The following STPG2 variants were observed in gnomAD, a reference collection of about 807,000 sequenced individuals.
The protein encoded by STPG2 is sperm tail PG-rich repeat containing 2, also known as sperm-tail PG-rich repeat-containing protein 2.
Under a neutral mutation model 54.2 loss-of-function variants are expected in STPG2, and 56 were observed. The ratio of observed to expected loss-of-function variants is 1.03; its 90% CI spans 0.83 to 1.29. The LOEUF is 1.29. STPG2 is among the 50% of genes most tolerant of loss of function. STPG2 has a pLI of 0.00. For missense variants in STPG2, 596 were observed against 544.9 expected (o/e 1.09, Z -0.93); for synonymous variants, 200 against 181.8 (o/e 1.10, Z -0.81).
At chr4:97,992,274 T>C (rs1735046401) in intron 5 of STPG2, among the ~76,000 whole-genome samples, 1 of 152,008 alleles carries the variant, frequency 6.6e-6, no homozygotes, top group Non-Finnish European at 1.5e-5. Context: ...CAGATTTTTG[T>C]ATACAATGAG....
chr4:97,803,117 T>A (rs1727448496), intron 9 of STPG2, among the ~76,000 whole-genome samples: 1 of 152,182 alleles, frequency 6.6e-6, no homozygotes, highest in South Asian at 2.1e-4. Flanking sequence ...CCAGGCCTAC[T>A]CAATACTAAG....
chr4:97,949,877 GT>G (rs796287036), intron 7 of STPG2, among the ~76,000 whole-genome samples: 1 of 151,520 alleles, frequency 6.6e-6, no homozygotes, highest in African/African-American at 2.4e-5. Context: ...TTTGTTTTTT[GT>G]TTTTTGTTTT....
At chr4:98,088,380 T>C (rs1202772860) in intron 5 of STPG2, among the ~76,000 whole-genome samples, 2 of 152,168 alleles carry the variant, frequency 1.3e-5, no homozygotes, top group South Asian at 2.1e-4. Context: ...GGAGACACTA[T>C]GTATTTTTTC....
intron 5 of STPG2, among the ~76,000 whole-genome samples, chr4:98,079,168 T>C (rs1738262354): frequency 6.6e-6 from 1 of 152,228 alleles, no homozygotes; most frequent in African/African-American, 2.4e-5. Context: ...TTGCATAAAC[T>C]GTTTACAAAT....
chr4:97,539,607 C>A (rs1356077047), intron 4 of STPG2, among the ~76,000 whole-genome samples: 2 of 152,124 alleles, frequency 1.3e-5, no homozygotes, highest in Admixed American at 1.3e-4. Context: ...GACGTTAACA[C>A]CCCACTGTCA....
chr4:98,052,813 T>A (rs1342390702), intron 5 of STPG2, among the ~76,000 whole-genome samples: 4 of 152,170 alleles, frequency 2.6e-5, no homozygotes, highest in Non-Finnish European at 5.9e-5. Context: ...CTGTATAGTA[T>A]GTCTATATAC....
chr4:97,811,535 C>T (rs1284392369), intron 9 of STPG2, among the ~76,000 whole-genome samples: 1 of 122,844 alleles, frequency 8.1e-6, no homozygotes, highest in African/African-American at 3.1e-5. Flanking sequence ...TAAGTTGTAG[C>T]AGCAGTAAAA....
At chr4:97,897,204 C>T (rs186397561) in intron 8 of STPG2, among the ~76,000 whole-genome samples, 14 of 152,168 alleles carry the variant, frequency 9.2e-5, no homozygotes, top group Non-Finnish European at 1.5e-4. Flanking sequence ...TAATGGCCTC[C>T]AGCTCCATCC....
chr4:97,540,524 A>T (rs961500684), intron 4 of STPG2, among the ~76,000 whole-genome samples: 1 of 152,212 alleles, frequency 6.6e-6, no homozygotes, highest in Non-Finnish European at 1.5e-5. Context: ...AGACGGATTC[A>T]CAGCCGAATT....
chr4:97,843,769 C>T (rs1728867974), intron 8 of STPG2, among the ~76,000 whole-genome samples: 1 of 151,822 alleles, frequency 6.6e-6, no homozygotes, highest in South Asian at 2.1e-4. Context: ...TTTGGCAAAA[C>T]CATTTCACAT....
chr4:97,958,094 G>A (rs972607469), intron 7 of STPG2, among the ~76,000 whole-genome samples: 2 of 152,096 alleles, frequency 1.3e-5, no homozygotes, highest in Non-Finnish European at 2.9e-5. Flanking sequence ...CAGATCACTT[G>A]AGGTCAGGAG....
chr4:98,095,993 A>C (rs1738845720), intron 5 of STPG2, among the ~76,000 whole-genome samples: 1 of 152,222 alleles, frequency 6.6e-6, no homozygotes, highest in Non-Finnish European at 1.5e-5. Context: ...AAAACTGGAA[A>C]TAAATAACAA....
intron 10 of STPG2, among the ~76,000 whole-genome samples, chr4:97,646,213 G>A (rs926842451): frequency 6.6e-6 from 1 of 152,078 alleles, no homozygotes; most frequent in Non-Finnish European, 1.5e-5. Context: ...TTTTAGTTTT[G>A]CTTAGGAACA....
chr4:97,871,877 G>A (rs992667378), intron 8 of STPG2, among the ~76,000 whole-genome samples: 8 of 150,978 alleles, frequency 5.3e-5, no homozygotes, highest in Non-Finnish European at 1.2e-4. Context: ...TTATGAAAAT[G>A]ATGCAAAAAT....
intron 5 of STPG2, among the ~76,000 whole-genome samples, chr4:98,069,978 T>TTCTACTGAAACTATTCCAAAA (rs1208781706): frequency 6.6e-6 from 1 of 152,000 alleles, no homozygotes; most frequent in African/African-American, 2.4e-5. Context: ...CTAGTACCAT[T>TTCTACTGAAACTATTCCAAAA]TCTACTGAAA....
At chr4:97,701,423 C>T (rs185200712) in intron 10 of STPG2, among the ~76,000 whole-genome samples, 1 of 152,296 alleles carries the variant, frequency 6.6e-6, no homozygotes, top group East Asian at 1.9e-4. Flanking sequence ...AGCCAGTGTT[C>T]AGTAGTCCCC....
rs1223665208 is a variant in STPG2 at position 97,945,801 on chromosome 4, G to C, written c.934-1794C>G. Among the ~76,000 whole-genome samples, 3 of 152,054 alleles carry C rather than the reference G, an allele frequency of 2.0e-5. No homozygotes were observed. In the East Asian group the frequency reaches 5.8e-4, roughly 29 times the overall value. On this transcript the variant is annotated intron_variant, in intron 7 of 10. Transcript: ENST00000295268. The stretch of plus-strand genomic sequence containing the variant: ...TGGATGGGTACAGTGGCTCACACCT[G>C]TAATCCCACCACTTTGGGAGGCCAA...
At chr4:97,740,254 A>C (rs1168368005) in intron 9 of STPG2, among the ~76,000 whole-genome samples, 3 of 152,246 alleles carry the variant, frequency 2.0e-5, no homozygotes, top group African/African-American at 4.8e-5. Flanking sequence ...CACAGCCAAT[A>C]TCACACTGAA....
intron 8 of STPG2, among the ~76,000 whole-genome samples, chr4:97,935,929 T>A (rs1245661386): frequency 1.3e-5 from 2 of 152,154 alleles, no homozygotes; most frequent in Non-Finnish European, 2.9e-5. Flanking sequence ...GTCCTGACTA[T>A]CCTTGTTAAT....
Sources: gnomAD v4.1 joint callset for allele counts (sites outside exome capture counted in the v4.1 genomes callset) on GRCh38, gnomAD v4.1.1 for gene constraint, MANE v1.5 for transcripts, NCBI Gene and HGNC (gene_info 2026-07-23, HGNC 2026-07-21) for gene names.